EFHC2: variants seen among roughly 807,000 people sequenced by gnomAD.
EFHC2 encodes the protein EF-hand domain-containing family member C2.
EFHC2 carries 18 observed loss-of-function variants against 52.7 expected under a neutral mutation model. The observed-to-expected ratio is 0.34, with a 90% CI of 0.24 to 0.51. The LOEUF is 0.51. EFHC2 is among the 20% of genes least tolerant of loss of function. The pLI is 0.97. For synonymous variants in EFHC2, 203 were observed against 204.1 expected (o/e 0.99, Z 0.04); for missense variants, 513 against 562.5 (o/e 0.91, Z 0.89).
chrX:44,181,584 C>T (rs2036835834), intron 11 of EFHC2, among the ~76,000 whole-genome samples: 1 of 112,739 alleles, frequency 8.9e-6, no homozygotes, highest in Non-Finnish European at 1.9e-5. Context: ...TTTATATCTG[C>T]TGGGTTTCTG....
At chrX:44,299,779 C>T (rs1260474120) in intron 2 of EFHC2, among the ~76,000 whole-genome samples, 1 of 111,588 alleles carries the variant, frequency 9.0e-6, no homozygotes, top group Non-Finnish European at 1.9e-5. Flanking sequence ...ATGCTGATTT[C>T]CTGCATTTTT....
At chrX:44,154,140 C>T (rs901202687) in intron 14 of EFHC2, among the ~76,000 whole-genome samples, 1 of 112,521 alleles carries the variant, frequency 8.9e-6, no homozygotes, top group African/African-American at 3.2e-5. Flanking sequence ...CTTCCTATCC[C>T]CTCATTCTTT....
At chrX:44,204,928 C>A (rs1376507986) in intron 11 of EFHC2, among the ~76,000 whole-genome samples, 2 of 111,631 alleles carry the variant, frequency 1.8e-5, no homozygotes, top group Non-Finnish European at 3.8e-5. Context: ...GGCAAATAGT[C>A]ATCAGACTAT....
intron 2 of EFHC2, among the ~76,000 whole-genome samples, chrX:44,275,665 G>A (rs2037650693): frequency 9.2e-6 from 1 of 108,764 alleles, no homozygotes; most frequent in African/African-American, 3.3e-5. Flanking sequence ...TGTAATCCCA[G>A]CACTTTGGGA....
chrX:44,256,941 T>C (rs1165936785), intron 4 of EFHC2, among the ~76,000 whole-genome samples: 2 of 111,068 alleles, frequency 1.8e-5, no homozygotes, highest in African/African-American at 6.6e-5. Flanking sequence ...ATGAAAAAGC[T>C]TATCCACCAA....
At chrX:44,271,707 A>G (rs1235053317) in intron 3 of EFHC2, among the ~76,000 whole-genome samples, 1 of 110,517 alleles carries the variant, frequency 9.0e-6, no homozygotes, top group Non-Finnish European at 1.9e-5. Context: ...CCGCCCCTAC[A>G]CCAGACCCCT....
intron 11 of EFHC2, among the ~76,000 whole-genome samples, chrX:44,222,885 T>A (rs73196192): frequency 0.033 from 3,693 of 111,646 alleles, 79 homozygotes; most frequent in Non-Finnish European, 0.05. Flanking sequence ...ACATGCTTAT[T>A]TTTTTGTGGT....
chrX:44,272,461 T>C (rs913449108), intron 3 of EFHC2, among the ~76,000 whole-genome samples: 1 of 111,823 alleles, frequency 8.9e-6, no homozygotes, highest in African/African-American at 3.3e-5. Context: ...GATACAAGTA[T>C]GCCACGGAGG....
intron 2 of EFHC2, among the ~76,000 whole-genome samples, chrX:44,299,850 GTTAT>G (rs1418534969): frequency 9.0e-6 from 1 of 111,729 alleles, no homozygotes; most frequent in Non-Finnish European, 1.9e-5. Context: ...ATATCAAACT[GTTAT>G]ATAAGATGTT....
Position 44,261,182 on chromosome X carries a change from T to C in EFHC2, c.499A>G (p.Ile167Val). Residue 167 changes from isoleucine (I) to valine (V), a missense_variant, in exon 4 of 15, where the codon ATT (isoleucine) becomes GTT (valine). Transcript: ENST00000420999. Reference sequence around the variant, plus strand: ...CTTGTGAATGCATCACAGTCATAAATCTTGAATGTCCGGCCATAGAAGACA... The same window carrying C: ...CTTGTGAATGCATCACAGTCATAAACCTTGAATGTCCGGCCATAGAAGACA... Reference protein sequence around the residue: ...EVVFYGRTFKIYDCDAFTRNF... With the variant: ...EVVFYGRTFKVYDCDAFTRNF... 2.5e-6 allele frequency: 3 copies of C among 1,211,504 alleles called. No homozygotes were observed. In the East Asian group the frequency reaches 8.9e-5, roughly 36 times the overall value.
chrX:44,227,446 A>C (rs1364459452), intron 11 of EFHC2, among the ~76,000 whole-genome samples: 1 of 111,169 alleles, frequency 9.0e-6, no homozygotes, highest in African/African-American at 3.3e-5. Context: ...ATATGGATTG[A>C]GACATCTAGA....
chrX:44,187,611 A>G (rs1307673692), intron 11 of EFHC2, among the ~76,000 whole-genome samples: 1 of 110,984 alleles, frequency 9.0e-6, no homozygotes. Context: ...ACATAGCAAG[A>G]CCCCGTCTCT....
At chrX:44,221,271 T>G (rs1421205801) in intron 11 of EFHC2, among the ~76,000 whole-genome samples, 2 of 111,564 alleles carry the variant, frequency 1.8e-5, no homozygotes, top group Admixed American at 9.5e-5. Context: ...TAGAGAGAGA[T>G]AAAATTCTTC....
At chrX:44,192,586 G>C (rs771855425) in intron 11 of EFHC2, among the ~76,000 whole-genome samples, 172 of 110,838 alleles carry the variant, frequency 1.6e-3, no homozygotes, top group African/African-American at 5.3e-3. Context: ...TTTTTTAAAC[G>C]ATCTTTGATT....
chrX:44,334,562 G>A (rs1206487005), intron 1 of EFHC2, among the ~76,000 whole-genome samples: 1 of 112,018 alleles, frequency 8.9e-6, no homozygotes, highest in East Asian at 2.8e-4. Flanking sequence ...CACAACCTCT[G>A]CCTCCCAGGT....
intron 9 of EFHC2, among the ~76,000 whole-genome samples, chrX:44,233,132 C>T (rs2147323338): frequency 8.9e-6 from 1 of 112,286 alleles, no homozygotes; most frequent in African/African-American, 3.2e-5. Flanking sequence ...CAGCAGCATA[C>T]TGGGAGTGTG....
At chrX:44,319,938 T>A (rs1261275165) in intron 1 of EFHC2, among the ~76,000 whole-genome samples, 1 of 110,228 alleles carries the variant, frequency 9.1e-6, no homozygotes, top group African/African-American at 3.3e-5. Context: ...ATTTTTTTTA[T>A]TTTTTTATTT....
intron 3 of EFHC2, among the ~76,000 whole-genome samples, chrX:44,268,204 T>C (rs764397512): frequency 4.7e-4 from 53 of 111,672 alleles, no homozygotes; most frequent in African/African-American, 1.7e-3. Flanking sequence ...GGTCTTTTTT[T>C]TCTGAGACTT....
rs188386031 is a variant in EFHC2, at chrX:44,315,080, A to C, written c.43-2324T>G. On this transcript the variant is annotated intron_variant, in intron 1 of 14. Coordinates refer to ENST00000420999, the MANE Select transcript of EFHC2 (RefSeq NM_025184.4). Reference sequence around the variant, plus strand: ...ATGAATGGTTTCACACCATCCCCTTAGTGATAAATGAGTTGTCGCTCAGTT... The same window carrying C: ...ATGAATGGTTTCACACCATCCCCTTCGTGATAAATGAGTTGTCGCTCAGTT... 1.0e-3 allele frequency among the ~76,000 whole-genome samples: 113 copies of C among 111,246 alleles called. No individual in the cohort carries two copies. The East Asian group carries it at 0.02, about 19-fold the overall frequency.
Sources: allele counts gnomAD v4.1 joint callset (sites outside exome capture counted in the v4.1 genomes callset), GRCh38; gene constraint gnomAD v4.1.1; transcripts MANE v1.5; gene names NCBI Gene and HGNC (gene_info 2026-07-23, HGNC 2026-07-21).